Variants in CTCFL observed in about 807,000 individuals in gnomAD.
CTCFL encodes the protein CCCTC-binding factor like.
Under a neutral mutation model 67.4 loss-of-function variants are expected in CTCFL, and 36 were observed. That is an observed-to-expected ratio of 0.53 (90% CI 0.41 to 0.71). CTCFL has a LOEUF of 0.71. Among genes scored for constraint, CTCFL ranks in the 30% least tolerant of loss-of-function variants. The probability of loss-of-function intolerance (pLI) is 0.00; values close to 1 mark genes in which losing one functional copy is unlikely to be tolerated. For synonymous variants in CTCFL, 324 were observed against 302.3 expected (o/e 1.07, Z -0.75); for missense variants, 786 against 835.2 (o/e 0.94, Z 0.73).
At chr20:57,517,431 C>G (rs983881691) in intron 5 of CTCFL, among the ~76,000 whole-genome samples, 5 of 152,028 alleles carry the variant, frequency 3.3e-5, no homozygotes, top group African/African-American at 9.7e-5. Flanking sequence ...CATGTGCCAC[C>G]ACACCTGGCT....
chr20:57,513,702 T>G (rs1377464493), intron 7 of CTCFL: 1 of 1,195,144 alleles, frequency 8.4e-7, no homozygotes, highest in African/African-American at 1.6e-5. Flanking sequence ...GAAGACTTTG[T>G]GGAACACCTT....
chr20:57,506,428 T>G (rs1600646037), intron 9 of CTCFL, among the ~76,000 whole-genome samples: 1 of 152,098 alleles, frequency 6.6e-6, no homozygotes, highest in Non-Finnish European at 1.5e-5. Context: ...CTCAGCCTCC[T>G]GAGCAGCTAG....
chr20:57,503,562 C>T lies in CTCFL; in HGVS notation c.1714G>A (p.Glu572Lys), dbSNP rs762478961. Residue 572 changes from glutamate (E) to lysine (K), a missense_variant, in exon 10 of 11, where the codon GAA becomes AAA. By Grantham distance (56) the Glu-to-Lys change is moderately conservative. Around this residue, in one of 3 missense-constraint regions of CTCFL, gnomAD observed 199 missense variants for 196.7 expected, o/e 1.01. Transcript: ENST00000243914. ...HRHSEKCGSG[E>K]AKSAASGKGR... ...TTTCCTGAAGCAGCCGACTTTGCTT[C>T]CCCTGATCCACACTTCTCCGAATGT... 6.2e-7 allele frequency: 1 copy of T among 1,614,086 alleles called. No homozygotes were observed. Among genetic ancestry groups the T allele is most frequent in the Admixed American group, 1.7e-5 (1 of 60,024 alleles).
rs2067738603 is a variant in CTCFL, at chr20:57,497,424, A to G, written c.*1126T>C. 9 of 985,266 alleles carry G rather than the reference A, an allele frequency of 9.1e-6. No individual in the cohort carries two copies. Among genetic ancestry groups the G allele is most frequent in the Non-Finnish European group, 8.4e-6 (7 of 829,890 alleles). The allele number at this position is 985,266 out of a possible 1,614,324, so 61.0% of individuals were successfully genotyped here. A position where few individuals can be genotyped will look rare whatever the true frequency, so the allele number is the denominator to read the frequency against. On this transcript the variant is annotated 3_prime_UTR_variant, in exon 11 of 11. Coordinates refer to ENST00000243914, the MANE Select transcript of CTCFL (RefSeq NM_001386993.1). ...TTGTGATATTTTCAATAAAAGGTCC[A>G]TATCTTAAGAATTTGAATTTAGGGC...
intron 9 of CTCFL, among the ~76,000 whole-genome samples, chr20:57,504,042 T>A (rs1269072165): frequency 1.3e-5 from 2 of 152,064 alleles, no homozygotes; most frequent in Non-Finnish European, 2.9e-5. Flanking sequence ...AGTGGCGCCA[T>A]CTCGGCTCAC....
rs61746345 is a variant in CTCFL, at chr20:57,508,664, G to A, written c.1616C>T (p.Ala539Val). ...LNAHFRKYHD[A>V]NFIPTVYKCS... ...TTTGTAAACAGTCGGGATGAAATTT[G>A]CATCGTGGTATTTCCTGAAGTGAGC... Residue 539 changes from alanine to valine, a missense_variant, in exon 9 of 11, where the codon GCA becomes GTA. Ala to Val is a moderately conservative substitution (Grantham distance 64). This residue lies in a region of CTCFL where 199 missense variants were observed against 196.7 expected (regional missense o/e 1.01). Coordinates refer to ENST00000243914, the MANE Select transcript of CTCFL (RefSeq NM_001386993.1). The A allele has an allele frequency of 6.0e-4, 963 of 1,614,142 alleles. 7 individuals are homozygous for A. The African/African-American group carries it at 0.012, about 19-fold the overall frequency.
At chr20:57,509,510 G>C (rs1047130424) in intron 8 of CTCFL, among the ~76,000 whole-genome samples, 1 of 151,966 alleles carries the variant, frequency 6.6e-6, no homozygotes, top group Non-Finnish European at 1.5e-5. Flanking sequence ...CAATTCTCCT[G>C]CCTTAGCCTC....
At chr20:57,512,922 C>T (rs963337043) in intron 7 of CTCFL, among the ~76,000 whole-genome samples, 170 bp from the exon 8 acceptor site, 2 of 152,194 alleles carry the variant, frequency 1.3e-5, no homozygotes, top group African/African-American at 4.8e-5. Flanking sequence ...AAGCAGCATT[C>T]CTGGTGTCTG....
intron 3 of CTCFL, 70 bp downstream of exon 3, chr20:57,522,998 A>G: frequency 8.0e-7 from 1 of 1,243,788 alleles, no homozygotes; most frequent in Non-Finnish European, 1.1e-6. Flanking sequence ...TTCAATTACC[A>G]TCACCTGCCC....
intron 8 of CTCFL, among the ~76,000 whole-genome samples, chr20:57,511,007 T>C (rs2068516480): frequency 6.6e-6 from 1 of 152,232 alleles, no homozygotes; most frequent in Non-Finnish European, 1.5e-5. Flanking sequence ...TCCAAATAAC[T>C]GTGGGCATTC....
At chr20:57,516,065 G>A (rs1161452946) in intron 5 of CTCFL, among the ~76,000 whole-genome samples, 1 of 152,196 alleles carries the variant, frequency 6.6e-6, no homozygotes, top group African/African-American at 2.4e-5. Context: ...GGGAAAATGA[G>A]CAGCAGTTCT....
At chr20:57,511,596 C>CCTT (rs1491221848) in intron 8 of CTCFL, among the ~76,000 whole-genome samples, 1 of 135,146 alleles carries the variant, frequency 7.4e-6, no homozygotes, top group African/African-American at 2.8e-5. Context: ...AATCCCCCCC[C>CCTT]TTTTTTTTTT....
intron 10 of CTCFL, chr20:57,499,839 GC>G: frequency 2.7e-6 from 1 of 373,040 alleles, no homozygotes. Flanking sequence ...CGGAGCTCAG[GC>G]GGTGATGCGC....
intron 3 of CTCFL, among the ~76,000 whole-genome samples, chr20:57,520,869 AAGCTAAGCTGAGG>A (rs2146442106): frequency 6.6e-6 from 1 of 152,352 alleles, no homozygotes; most frequent in African/African-American, 2.4e-5. Context: ...AGATGCAATC[AAGCTAAGCTGAGG>A]TCATGCTGGA....
rs1487670942 is a variant in CTCFL, at chr20:57,497,415, A to G, written c.*1135T>C. ...ATTCTGAACTTGTGATATTTTCAAT[A>G]AAAGGTCCATATCTTAAGAATTTGA... On this transcript the variant is annotated 3_prime_UTR_variant, in exon 11 of 11. Transcript: ENST00000243914. 2 of 985,148 alleles carry G rather than the reference A, an allele frequency of 2.0e-6. No homozygotes were observed. Among genetic ancestry groups the G allele is most frequent in the Middle Eastern group, 5.2e-4 (1 of 1,936 alleles). The allele number at this position is 985,148 out of a possible 1,614,324, so 61.0% of individuals were successfully genotyped here.
Position 57,498,435 on chromosome 20 carries a change from A to G in CTCFL, c.*115T>C, listed in dbSNP as rs2067759797. ...AGGAATTAGGGGCAGTGAACATGCAACCTGACTCTCTCTCACTTATCCATC... is the reference window on the plus strand; with the variant it reads ...AGGAATTAGGGGCAGTGAACATGCAGCCTGACTCTCTCTCACTTATCCATC... On this transcript the variant is annotated 3_prime_UTR_variant, in exon 11 of 11. Transcript: ENST00000243914. 3 of 1,475,690 alleles carry G rather than the reference A, an allele frequency of 2.0e-6. No homozygotes were observed. The highest frequency in any genetic ancestry group is 4.8e-5 in the Admixed American group (2 of 41,888). 91.4% of individuals were successfully genotyped at this position (1,475,690 alleles called of 1,614,324 possible). A position where few individuals can be genotyped will look rare whatever the true frequency, so the allele number is the denominator to read the frequency against.
At chr20:57,499,480 A>T (rs60693208) in intron 10 of CTCFL, 1 of 153,934 alleles carries the variant, frequency 6.5e-6, no homozygotes, top group African/African-American at 2.4e-5. Context: ...TTTCAGTACC[A>T]GGGAACACTC....
At chr20:57,518,636 AT>A (rs760586764) in intron 5 of CTCFL, 121 bp downstream of exon 5, 8 of 1,573,112 alleles carry the variant, frequency 5.1e-6, no homozygotes, top group Non-Finnish European at 6.9e-6. Context: ...TCCTGCATAA[AT>A]TTTATATGAA....
chr20:57,497,755 A>G lies in CTCFL; in HGVS notation c.*795T>C, dbSNP rs994743394. 1 of 983,114 alleles carries G rather than the reference A, an allele frequency of 1.0e-6. No homozygotes were observed. Among genetic ancestry groups the G allele is most frequent in the Non-Finnish European group, 1.2e-6 (1 of 829,384 alleles). The allele number at this position is 983,114 out of a possible 1,614,324, so 60.9% of individuals were successfully genotyped here. A position where few individuals can be genotyped will look rare whatever the true frequency, so the allele number is the denominator to read the frequency against. The stretch of plus-strand genomic sequence containing the variant: ...CAAATATAAAAAGAGTAGTTTTAGC[A>G]GAAAAAAGGGTTATGGAGTGAAATA... On this transcript the variant is annotated 3_prime_UTR_variant, in exon 11 of 11. Coordinates refer to ENST00000243914, the MANE Select transcript of CTCFL (RefSeq NM_001386993.1).
Sources: gnomAD v4.1 joint callset for allele counts (sites outside exome capture counted in the v4.1 genomes callset) on GRCh38, gnomAD v4.1.1 for gene constraint, gnomAD v4.1.1 regional missense constraint, MANE v1.5 for transcripts, NCBI Gene and HGNC (gene_info 2026-07-23, HGNC 2026-07-21) for gene names.